DIAPH2: variants seen among roughly 807,000 people sequenced by gnomAD.
The protein encoded by DIAPH2 is diaphanous related formin 2, also known as protein diaphanous homolog 2.
Under a neutral mutation model 92.7 loss-of-function variants are expected in DIAPH2, and 35 were observed. The observed-to-expected ratio is 0.38, with a 90% CI of 0.29 to 0.50. The LOEUF (loss-of-function observed/expected upper bound fraction) is 0.50. DIAPH2 is among the 20% of genes least tolerant of loss of function. DIAPH2 has a pLI of 0.94. For missense variants in DIAPH2, 701 were observed against 819.5 expected, an observed-to-expected ratio of 0.86 and a Z score of 1.77; for synonymous variants, 301 against 280.4, an observed-to-expected ratio of 1.07 and a Z score of -0.73.
intron 26 of DIAPH2, among the ~76,000 whole-genome samples, chrX:97,494,164 G>C (rs1292712054): frequency 2.9e-5 from 3 of 103,336 alleles, no homozygotes; most frequent in Non-Finnish European, 5.9e-5. Context: ...CACACACACA[G>C]AAAAATTAGC....
chrX:97,002,312 G>A (rs762700429), intron 17 of DIAPH2, among the ~76,000 whole-genome samples: 11 of 110,415 alleles, frequency 1.0e-4, no homozygotes, highest in Non-Finnish European at 2.1e-4. Context: ...ACATATATAT[G>A]TTTGCATCAG....
chrX:96,810,596 G>T (rs2064670413), intron 4 of DIAPH2, among the ~76,000 whole-genome samples: 2 of 111,607 alleles, frequency 1.8e-5, no homozygotes, highest in South Asian at 7.5e-4. Context: ...CCTTGCCCAT[G>T]CCTATGTCCT....
chrX:97,513,833 T>C (rs1470382440), intron 26 of DIAPH2, among the ~76,000 whole-genome samples: 1 of 102,114 alleles, frequency 9.8e-6, no homozygotes. Context: ...TGTTGAATAT[T>C]GGCCCCCACT....
intron 25 of DIAPH2, among the ~76,000 whole-genome samples, chrX:97,414,781 A>G (rs1602574414): frequency 8.9e-6 from 1 of 111,928 alleles, no homozygotes; most frequent in South Asian, 3.8e-4. Flanking sequence ...AACCTAGGCA[A>G]TACCATTCAG....
intron 26 of DIAPH2, among the ~76,000 whole-genome samples, chrX:97,545,403 TAA>T (rs1175615040): frequency 9.2e-6 from 1 of 109,152 alleles, no homozygotes. Context: ...TTGCAGTTAA[TAA>T]GAGGCAAAAT....
intron 4 of DIAPH2, among the ~76,000 whole-genome samples, chrX:96,771,285 T>C (rs1307100438): frequency 2.7e-5 from 3 of 111,888 alleles, no homozygotes; most frequent in African/African-American, 9.7e-5. Flanking sequence ...AATGAAAAGA[T>C]GTATATTTCA....
intron 23 of DIAPH2, among the ~76,000 whole-genome samples, chrX:97,283,626 G>T (rs1053280959): frequency 2.7e-5 from 3 of 112,575 alleles, no homozygotes; most frequent in African/African-American, 9.7e-5. Context: ...GCATTTCTTT[G>T]TACTCGTGGG....
chrX:96,921,064 A>C (rs1186984039), intron 9 of DIAPH2, among the ~76,000 whole-genome samples: 1 of 112,102 alleles, frequency 8.9e-6, no homozygotes, highest in African/African-American at 3.2e-5. Flanking sequence ...ATTTTAACAG[A>C]ATGACTTTTC....
intron 4 of DIAPH2, among the ~76,000 whole-genome samples, chrX:96,854,551 C>G (rs917568583): frequency 1.0e-5 from 1 of 95,491 alleles, no homozygotes; most frequent in African/African-American, 3.8e-5. Context: ...CTCTTTCTCT[C>G]TCTCTGTAGT....
chrX:96,884,998 C>T (rs1381292756), intron 5 of DIAPH2: 5 of 1,211,135 alleles, frequency 4.1e-6, no homozygotes, highest in Non-Finnish European at 5.6e-6. Context: ...GCTCTGCGAC[C>T]TTAGCGTCAA....
rs991459158 is a variant in DIAPH2, at chrX:97,389,529, A to C, written c.3145+5485A>C. Among the ~76,000 whole-genome samples, 7 of 108,626 alleles carry C rather than the reference A, an allele frequency of 6.4e-5. No homozygotes were observed. The South Asian group carries it at 1.2e-3, about 19-fold the overall frequency. The allele number at this position is 108,626 out of a possible 115,157, so 94.3% of individuals were successfully genotyped here. A position where few individuals can be genotyped will look rare whatever the true frequency, so the allele number is the denominator to read the frequency against. On this transcript the variant is annotated intron_variant, in intron 25 of 26. Transcript: ENST00000324765. The stretch of plus-strand genomic sequence containing the variant: ...GTTCTGAGAATGTAATCTTTCTCCC[A>C]CACTACAGCAATTCCTACGCTCCTC...
In DIAPH2 at chrX:96,759,444, A is replaced by T. The variant is rs143794316; in HGVS notation, c.447+1186A>T. Among the ~76,000 whole-genome samples, 229 of 111,846 alleles carry T rather than the reference A, an allele frequency of 2.0e-3. 3 individuals are homozygous for T. Among genetic ancestry groups the T allele is most frequent in the African/African-American group, 7.0e-3 (217 of 30,882 alleles). ...TATCCAAGGGCAGAAATATGTTTCA[A>T]GTGATAAGTGAAATTTGCCATGAGC... On this transcript the variant is annotated intron_variant, in intron 4 of 26. Coordinates refer to ENST00000324765, the MANE Select transcript of DIAPH2 (RefSeq NM_006729.5).
At chrX:97,244,387 A>C in intron 22 of DIAPH2, among the ~76,000 whole-genome samples, 1 of 112,132 alleles carries the variant, frequency 8.9e-6, no homozygotes, top group East Asian at 2.8e-4. Flanking sequence ...TACTAGTGCC[A>C]TTACTATTGT....
chrX:97,446,560 A>G (rs891208906), intron 26 of DIAPH2, among the ~76,000 whole-genome samples: 2 of 111,774 alleles, frequency 1.8e-5, no homozygotes, highest in African/African-American at 6.5e-5. Context: ...TTTCTCTAAT[A>G]TTTTGAAAAT....
At chrX:96,706,563 G>C (rs901118616) in intron 1 of DIAPH2, among the ~76,000 whole-genome samples, 1 of 112,047 alleles carries the variant, frequency 8.9e-6, no homozygotes, top group African/African-American at 3.2e-5. Flanking sequence ...GAGTGTGGTG[G>C]AGTTGGGAGA....
intron 22 of DIAPH2, among the ~76,000 whole-genome samples, chrX:97,223,309 T>G (rs1332964669): frequency 8.9e-6 from 1 of 111,783 alleles, no homozygotes; most frequent in Non-Finnish European, 1.9e-5. Context: ...TATCACTATT[T>G]GCAGATTCAC....
At chrX:96,922,090 G>A (rs2065549561) in intron 9 of DIAPH2, among the ~76,000 whole-genome samples, 2 of 111,285 alleles carry the variant, frequency 1.8e-5, no homozygotes, top group Non-Finnish European at 3.8e-5. Context: ...AGAGATAGAA[G>A]TATTATCCCC....
chrX:96,988,184 G>C (rs1166367364), intron 17 of DIAPH2, among the ~76,000 whole-genome samples: 2 of 109,322 alleles, frequency 1.8e-5, no homozygotes, highest in African/African-American at 6.6e-5. Context: ...GACTGTTTTA[G>C]AACTTAAAGT....
chrX:96,860,149 G>A (rs917996765), intron 4 of DIAPH2, among the ~76,000 whole-genome samples: 4 of 111,790 alleles, frequency 3.6e-5, no homozygotes, highest in Non-Finnish European at 7.5e-5. Context: ...TGAATTAATT[G>A]AAGTTACAAA....
Sources: allele counts gnomAD v4.1 joint callset (sites outside exome capture counted in the v4.1 genomes callset), GRCh38; gene constraint gnomAD v4.1.1; transcripts MANE v1.5; gene names NCBI Gene and HGNC (gene_info 2026-07-23, HGNC 2026-07-21).